AP3D1: variants seen among roughly 807,000 people sequenced by gnomAD.
AP3D1 encodes the protein AP-3 complex subunit delta-1.
A neutral mutation model predicts 147.6 loss-of-function variants in AP3D1; 51 were observed. The ratio of observed to expected loss-of-function variants is 0.35; its 90% confidence interval spans 0.28 to 0.44. The LOEUF (loss-of-function observed/expected upper bound fraction) is 0.44, where lower values mean the gene tolerates loss of function less well. Ranked by LOEUF, AP3D1 falls within the 20% of genes least tolerant of loss-of-function variation. The probability of loss-of-function intolerance (pLI) is 1.00; values close to 1 mark genes in which losing one functional copy is unlikely to be tolerated. For missense variants in AP3D1, 1,421 were observed against 1,624.2 expected (o/e 0.87, Z 2.15); for synonymous variants, 760 against 663.0 (o/e 1.15, Z -2.25).
At position 2,138,764 on chromosome 19, in the gene AP3D1, T is replaced by C. The variant is rs752360393; in HGVS notation, c.97-50A>G. Reference sequence around the variant, plus strand: ...ATTACAAACATCCAGCTAAGAGGGCTGGAATAATGATTTCGGGCCAGGCAC... The same window carrying C: ...ATTACAAACATCCAGCTAAGAGGGCCGGAATAATGATTTCGGGCCAGGCAC... On this transcript the variant is annotated intron_variant, in intron 1 of 31. Coordinates refer to ENST00000643116, the MANE Select transcript of AP3D1 (RefSeq NM_001261826.3). 9.8e-5 allele frequency: 135 copies of C among 1,374,898 alleles called. 1 individual carries two copies. Among genetic ancestry groups the C allele is most frequent in the Non-Finnish European group, 1.3e-4 (127 of 971,152 alleles). 85.2% of individuals were successfully genotyped at this position (1,374,898 alleles called of 1,614,324 possible).
intron 10 of AP3D1, 28 bp from the exon 11 acceptor site, chr19:2,123,434 T>C: frequency 6.2e-7 from 1 of 1,612,780 alleles, no homozygotes; most frequent in Non-Finnish European, 8.5e-7. Flanking sequence ...ACGATGCTGG[T>C]TACATCCTCT....
Position 2,121,549 on chromosome 19 carries a change from C to T in AP3D1, c.1101+185G>A, listed in dbSNP as rs11667501. On this transcript the variant is annotated intron_variant, in intron 12 of 31. Transcript: ENST00000643116. ...CTGTTCTGCAGGCTCGGCCCCGCCCCCTCCACACAGGCCCTGGAAGACAGG... is the reference window on the plus strand; with the variant it reads ...CTGTTCTGCAGGCTCGGCCCCGCCCTCTCCACACAGGCCCTGGAAGACAGG... Among the ~76,000 whole-genome samples the T allele has an allele frequency of 0.11, 16,778 of 152,270 alleles. 1,180 individuals carry two copies. Among genetic ancestry groups the T allele is most frequent in the Non-Finnish European group, 0.16 (10,668 of 68,006 alleles).
chr19:2,137,788 T>A lies in AP3D1; in HGVS notation c.212A>T (p.Asp71Val). 6.2e-7 allele frequency: 1 copy of A among 1,613,978 alleles called. No individual in the cohort carries two copies. The highest frequency in any genetic ancestry group is 8.5e-7 in the Non-Finnish European group (1 of 1,179,960). ...GATGTTGAAGGCGGCCCAGCTGATG[T>A]CGTATCCCAACATCTGTAACTGTTA... ...KLTYLQMLGY[D>V]ISWAAFNIIE... Residue 71 changes from aspartate to valine, a missense_variant, in exon 3 of 32, where the codon GAC becomes GTC. By Grantham distance (152) the Asp-to-Val change is radical (BLOSUM62 -3). This residue lies in a region of AP3D1 where 292 missense variants were observed against 412.0 expected (regional missense o/e 0.71). Transcript: ENST00000643116.
chr19:2,110,621 A>C (rs2145014872), intron 27 of AP3D1, 86 bp downstream of exon 27: 1 of 1,384,356 alleles, frequency 7.2e-7, no homozygotes, highest in Middle Eastern at 2.6e-4. Flanking sequence ...GGAGGAAGCA[A>C]CAAGAACCAG....
At chr19:2,117,703 C>T (rs2018498131) in intron 15 of AP3D1, among the ~76,000 whole-genome samples, 3 of 152,262 alleles carry the variant, frequency 2.0e-5, no homozygotes. Flanking sequence ...CTGGCTCCAA[C>T]TCAGACACAG....
At chr19:2,157,454 A>AAG (rs1555711638) in intron 1 of AP3D1, among the ~76,000 whole-genome samples, 1 of 149,136 alleles carries the variant, frequency 6.7e-6, no homozygotes, top group African/African-American at 2.5e-5. Context: ...AAAAAAAAAA[A>AAG]AAAAAAGAAA....
intron 1 of AP3D1, among the ~76,000 whole-genome samples, chr19:2,139,887 A>G (rs2019173731): frequency 6.9e-6 from 1 of 144,174 alleles, no homozygotes; most frequent in Admixed American, 6.9e-5. Flanking sequence ...CCCACCACTC[A>G]TGTGTCACCC....
intron 29 of AP3D1, chr19:2,109,588 G>A (rs902570780): frequency 3.9e-6 from 2 of 514,152 alleles, no homozygotes; most frequent in African/African-American, 3.8e-5. Context: ...AGAGGCTTCA[G>A]GAGGAGCCTG....
chr19:2,110,604 G>A (rs910014054), intron 27 of AP3D1, 103 bp downstream of exon 27: 33 of 1,260,264 alleles, frequency 2.6e-5, no homozygotes, highest in Non-Finnish European at 3.5e-5. Context: ...GGACAAAGGG[G>A]ACATGGGGAG....
At position 2,122,436 on chromosome 19, in the gene AP3D1, A is replaced by C. The variant is rs1328289746; in HGVS notation, c.956-557T>G. On this transcript the variant is annotated intron_variant, in intron 11 of 31. Transcript: ENST00000643116. ...TTCAGGCCACGGGGCAGCACTGAGC[A>C]GAGACAGACACCGTGAGGTCCACGG... Among the ~76,000 whole-genome samples the C allele has an allele frequency of 2.0e-5, 3 of 152,342 alleles. No individual in the cohort carries two copies. In the East Asian group the frequency reaches 5.8e-4, roughly 29 times the overall value.
rs539191626 is a variant in AP3D1, at chr19:2,140,094, T to A, written c.97-1380A>T. On this transcript the variant is annotated intron_variant, in intron 1 of 31. Transcript: ENST00000643116. ...AAATTACTACACCTCACCCCAGGACTGTGCTCCCATCCCCGGAGCAAGGAT... is the reference window on the plus strand; with the variant it reads ...AAATTACTACACCTCACCCCAGGACAGTGCTCCCATCCCCGGAGCAAGGAT... Among the ~76,000 whole-genome samples, 29 of 152,258 alleles carry A rather than the reference T, an allele frequency of 1.9e-4. No homozygotes were observed. The South Asian group carries it at 6.0e-3, about 32-fold the overall frequency.
At chr19:2,106,305 T>C (rs2018109860) in intron 31 of AP3D1, among the ~76,000 whole-genome samples, 1 of 152,116 alleles carries the variant, frequency 6.6e-6, no homozygotes, top group African/African-American at 2.4e-5. Context: ...TCCCAGCACT[T>C]TGGGAGGCCG....
chr19:2,156,778 G>T (rs2019648768), intron 1 of AP3D1, among the ~76,000 whole-genome samples: 1 of 152,132 alleles, frequency 6.6e-6, no homozygotes, highest in Non-Finnish European at 1.5e-5. Flanking sequence ...GAACCTGGCA[G>T]TTGGAGGTTG....
intron 24 of AP3D1, 67 bp from the exon 25 acceptor site, chr19:2,111,895 G>A (rs899071701): frequency 1.2e-6 from 2 of 1,604,722 alleles, no homozygotes; most frequent in Middle Eastern, 1.7e-4. Flanking sequence ...ACAGTGTGAG[G>A]TCAGGATCAC....
chr19:2,140,212 C>T (rs554248443), intron 1 of AP3D1, among the ~76,000 whole-genome samples: 103 of 152,196 alleles, frequency 6.8e-4, no homozygotes, highest in African/African-American at 2.2e-3. Context: ...CAGACCCTCA[C>T]GAGGGCAAAG....
chr19:2,131,394 C>T (rs1009035865), intron 5 of AP3D1, among the ~76,000 whole-genome samples: 3 of 138,432 alleles, frequency 2.2e-5, no homozygotes, highest in Admixed American at 7.2e-5. Context: ...CAGGCAGCCA[C>T]GCGGGGACAG....
chr19:2,103,220 TAA>T (rs68118513), intron 31 of AP3D1, among the ~76,000 whole-genome samples: 42 of 149,086 alleles, frequency 2.8e-4, no homozygotes, highest in African/African-American at 9.5e-4. Flanking sequence ...TGCTAATTAT[TAA>T]AAAAAAAAAT....
chr19:2,154,436 C>T (rs965619204), upstream of AP3D1, among the ~76,000 whole-genome samples: 1 of 151,912 alleles, frequency 6.6e-6, no homozygotes, highest in African/African-American at 2.4e-5. Context: ...CTCGCCACCA[C>T]GCCCAGCTAA....
At position 2,129,435 on chromosome 19, in the gene AP3D1, A is replaced by G; in HGVS notation, c.615T>C (p.Asn205=). Residue 205 remains asparagine (N), a synonymous_variant, in exon 7 of 32, where the codon AAT becomes AAC. Transcript: ENST00000643116. ...TGCGTCTGGCCAGCTCGCAGATGAC[A>G]TTGACGGCAGCCGACTGAACCCCTG... The part of the protein sequence containing the change: ...PDPGVQSAAV[N]VICELARRNP... 6.2e-7 allele frequency: 1 copy of G among 1,613,950 alleles called. No homozygotes were observed.
Sources: gnomAD v4.1 joint callset for allele counts (sites outside exome capture counted in the v4.1 genomes callset) on GRCh38, gnomAD v4.1.1 for gene constraint, gnomAD v4.1.1 regional missense constraint, MANE v1.5 for transcripts, NCBI Gene and HGNC (gene_info 2026-07-23, HGNC 2026-07-21) for gene names.